The following DNAH10 variants were observed in gnomAD, a reference collection of about 807,000 sequenced individuals.
The protein encoded by DNAH10 is axonemal beta dynein heavy chain 10.
A neutral mutation model predicts 506.6 loss-of-function variants in DNAH10; 348 were observed. The ratio of observed to expected loss-of-function variants is 0.69; its 90% CI spans 0.63 to 0.75. The LOEUF (loss-of-function observed/expected upper bound fraction) is 0.75. Ranked by LOEUF, DNAH10 falls within the 30% of genes least tolerant of loss-of-function variation. The pLI is 0.00. For synonymous variants in DNAH10, 2,059 were observed against 2,198.6 expected, an observed-to-expected ratio of 0.94 and a Z score of 1.78; for missense variants, 5,179 against 5,787.1, an observed-to-expected ratio of 0.89 and a Z score of 3.41.
At chr12:123,807,074 T>C (rs925684741) in intron 18 of DNAH10, among the ~76,000 whole-genome samples, 1 of 152,158 alleles carries the variant, frequency 6.6e-6, no homozygotes, top group African/African-American at 2.4e-5. Flanking sequence ...GGCCCTGCTA[T>C]GTTTTCTTTT....
chr12:123,838,799 G>T, intron 29 of DNAH10, 110 bp downstream of exon 29: 1 of 1,018,778 alleles, frequency 9.8e-7, no homozygotes, highest in Non-Finnish European at 1.4e-6. Context: ...AGACTGAAAT[G>T]CTGCTGGAGT....
At chr12:123,783,326 A>G in intron 7 of DNAH10, 62 bp downstream of exon 7, 1 of 1,593,048 alleles carries the variant, frequency 6.3e-7, no homozygotes. Context: ...GCTGGGAAAG[A>G]GCCCGGAGTC....
At position 123,919,041 on chromosome 12, in the gene DNAH10, A is replaced by T; in HGVS notation, c.11506+92A>T. 1 of 1,383,570 alleles carries T rather than the reference A, an allele frequency of 7.2e-7. No individual in the cohort carries two copies. Among genetic ancestry groups the T allele is most frequent in the African/African-American group, 1.5e-5 (1 of 68,896 alleles). The allele number at this position is 1,383,570 out of a possible 1,614,324, so 85.7% of individuals were successfully genotyped here. A position where few individuals can be genotyped will look rare whatever the true frequency, so the allele number is the denominator to read the frequency against. ...ACGTGATCTGTGAAAATGGAAAGTT[A>T]CCAAATAGCATTTTTTCTTTTTTCT... On this transcript the variant is annotated intron_variant, in intron 65 of 78. Transcript: ENST00000673944. The surrounding 1 kb of genome is among the most constrained non-coding windows in gnomAD (Gnocchi z 4.9).
At chr12:123,763,809 C>T (rs986356689) in intron 1 of DNAH10, among the ~76,000 whole-genome samples, 11 of 151,434 alleles carry the variant, frequency 7.3e-5, no homozygotes, top group South Asian at 4.2e-4. Context: ...GTGATCCTCC[C>T]GCCTCGGCCT....
rs868263861 is a variant in DNAH10 at position 123,893,256 on chromosome 12, G to A, written c.9019G>A (p.Glu3007Lys). The A allele has an allele frequency of 6.2e-7, 1 of 1,614,014 alleles. No individual in the cohort carries two copies. Among genetic ancestry groups the A allele is most frequent in the South Asian group, 1.1e-5 (1 of 91,082 alleles). Residue 3007 changes from glutamate (E) to lysine (K), a missense_variant, in exon 53 of 79, where the codon GAA (glutamate) becomes AAA (lysine). Transcript: ENST00000673944. ...AGGAATTGTACCTGCGCTTTTTTCT[G>A]AAGAGGAGAAAGAGTCTATCCTGAG... is the stretch of plus-strand genomic sequence containing the variant. ...TSGIVPALFS[E>K]EEKESILSQI...
chr12:123,875,444 G>A lies in DNAH10; in HGVS notation c.8152G>A (p.Glu2718Lys). 1 of 1,613,996 alleles carries A rather than the reference G, an allele frequency of 6.2e-7. No homozygotes were observed. Among genetic ancestry groups the A allele is most frequent in the Non-Finnish European group, 8.5e-7 (1 of 1,179,906 alleles). ...CTTCAATGTGCCATTTCCTTCAGAGGAGTCTCTGCATTTAATTTATTCCTC... is the reference window on the plus strand; with the variant it reads ...CTTCAATGTGCCATTTCCTTCAGAGAAGTCTCTGCATTTAATTTATTCCTC... Reference protein sequence around the residue: ...SVFNVPFPSEESLHLIYSSIL... With the variant: ...SVFNVPFPSEKSLHLIYSSIL... The change falls in exon 47 of 79, where the codon GAG becomes AAG. Residue 2718 changes from glutamate to lysine, a missense_variant. Glu to Lys is a moderately conservative substitution (Grantham distance 56). Coordinates refer to ENST00000673944, the MANE Select transcript of DNAH10 (RefSeq NM_001372106.1).
Position 123,781,815 on chromosome 12 carries a change from A to G in DNAH10, c.841+516A>G, listed in dbSNP as rs150337235. On this transcript the variant is annotated intron_variant, in intron 6 of 78. Coordinates refer to ENST00000673944, the MANE Select transcript of DNAH10 (RefSeq NM_001372106.1). ...TTTCTTCATTGTTTTCTAGTAGTCA[A>G]CATCCAGTGATGAGAAACTGAATGT... Among the ~76,000 whole-genome samples, 542 of 152,246 alleles carry G rather than the reference A, an allele frequency of 3.6e-3. 3 individuals carry two copies. The highest frequency in any genetic ancestry group is 0.012 in the African/African-American group (518 of 41,536).
At chr12:123,804,712 G>C (rs1958596598) in intron 17 of DNAH10, 121 bp from the exon 18 acceptor site, 1 of 835,264 alleles carries the variant, frequency 1.2e-6, no homozygotes. Flanking sequence ...GTTCTGCTTT[G>C]GGCTGAGGTT....
chr12:123,803,725 G>T lies in DNAH10; in HGVS notation c.2679G>T (p.Gln893His), dbSNP rs1393923873. The T allele has an allele frequency of 1.9e-6, 3 of 1,611,594 alleles. No homozygotes were observed. The highest frequency in any genetic ancestry group is 2.5e-6 in the Non-Finnish European group (3 of 1,179,272). Residue 893 changes from glutamine (Q) to histidine (H), a missense_variant, in exon 17 of 79, where the codon CAG becomes CAT. Gln to His is a conservative substitution (Grantham distance 24). Transcript: ENST00000673944. ...GGAAATTTGAGTCTCTCGTCCACCA[G>T]ATTCATAAGAATGCAGATGACATTT... ...AIGKFESLVH[Q>H]IHKNADDISS...
chr12:123,776,653 AAAAT>A (rs968266098), intron 5 of DNAH10, among the ~76,000 whole-genome samples: 5 of 152,062 alleles, frequency 3.3e-5, no homozygotes, highest in Admixed American at 2.0e-4. Flanking sequence ...AAAAAAAAGA[AAAAT>A]AAATTAAGAT....
intron 52 of DNAH10, among the ~76,000 whole-genome samples, chr12:123,889,260 T>G (rs1245206258): frequency 1.3e-5 from 2 of 152,236 alleles, no homozygotes; most frequent in Non-Finnish European, 2.9e-5. Context: ...GAGTTCAAGT[T>G]TTGTTTAGTG....
chr12:123,919,875 G>A lies in DNAH10; in HGVS notation c.11506+926G>A, dbSNP rs1954651331. ...TCCACCCGTCACCTGATGGGCATTT[G>A]GGTTGTTTCGCTTGTTTTGCTATTA... On this transcript the variant is annotated intron_variant, in intron 65 of 78. Coordinates refer to ENST00000673944, the MANE Select transcript of DNAH10 (RefSeq NM_001372106.1). This position sits in a 1 kb window ranked among gnomAD's most constrained non-coding sequence, Gnocchi z 4.9. 6.6e-6 allele frequency among the ~76,000 whole-genome samples: 1 copy of A among 152,168 alleles called. No individual in the cohort carries two copies. The highest frequency in any genetic ancestry group is 2.4e-5 in the African/African-American group (1 of 41,432).
rs367906430 is a variant in DNAH10, at chr12:123,932,100, A to C, written c.13288A>C (p.Met4430Leu). 8 of 1,613,472 alleles carry C rather than the reference A, an allele frequency of 5.0e-6. No homozygotes were observed. Among genetic ancestry groups the C allele is most frequent in the East Asian group, 4.5e-5 (2 of 44,898 alleles). ...VYFLRRFSQYMLWVTESEPSV... is the reference protein window; with the variant it reads ...VYFLRRFSQYLLWVTESEPSV... ...CTTCCTGCGGCGGTTCAGCCAGTAC[A>C]TGTTGTGGGTAAGTGGCACGTCACC... is the stretch of plus-strand genomic sequence containing the variant. Residue 4430 changes from methionine (M) to leucine (L), a missense_variant, in exon 76 of 79, where the codon ATG becomes CTG. Met to Leu is a conservative substitution (Grantham distance 15). This residue lies in a region of DNAH10 where 4,844 missense variants were observed against 5,430.5 expected (regional missense o/e 0.89). Transcript: ENST00000673944.
chr12:123,837,054 T>C (rs1360222343), intron 28 of DNAH10, among the ~76,000 whole-genome samples: 3 of 150,736 alleles, frequency 2.0e-5, no homozygotes, highest in Non-Finnish European at 2.9e-5. Flanking sequence ...GGTTTCACCG[T>C]GTTAGCCAGG....
At position 123,898,820 on chromosome 12, in the gene DNAH10, T is replaced by C; in HGVS notation, c.9640+6T>C. On this transcript the variant is annotated splice_donor_region_variant and intron_variant, in intron 56 of 78. Coordinates refer to ENST00000673944, the MANE Select transcript of DNAH10 (RefSeq NM_001372106.1). ...CGCCGTCAACACCGCTGTAGGTGAG[T>C]GAGGGCGGGGCCAGGGCAGCCCATC... 1.2e-6 allele frequency: 2 copies of C among 1,601,528 alleles called. No homozygotes were observed.
chr12:123,908,648 A>G (rs1323255622), intron 57 of DNAH10: 2 of 441,312 alleles, frequency 4.5e-6, no homozygotes, highest in African/African-American at 4.0e-5. Context: ...CCAGAGGAAC[A>G]AGGGCAGTGG....
At chr12:123,835,915 T>C (rs985637291) in intron 28 of DNAH10, among the ~76,000 whole-genome samples, 1 of 152,228 alleles carries the variant, frequency 6.6e-6, no homozygotes, top group African/African-American at 2.4e-5. Flanking sequence ...GTGGGTCACC[T>C]TGCCTGGCCC....
At chr12:123,766,428 A>G (rs1181504978) in intron 1 of DNAH10, among the ~76,000 whole-genome samples, 1 of 152,202 alleles carries the variant, frequency 6.6e-6, no homozygotes, top group Non-Finnish European at 1.5e-5. Flanking sequence ...TACTATATAT[A>G]CATATTATTT....
chr12:123,808,713 T>G, intron 18 of DNAH10, 84 bp from the exon 19 acceptor site: 1 of 1,461,012 alleles, frequency 6.8e-7, no homozygotes, highest in Non-Finnish European at 9.4e-7. Flanking sequence ...GTGATTTTTG[T>G]GGCCCTGGTC....
Sources: gnomAD v4.1 joint callset for allele counts (sites outside exome capture counted in the v4.1 genomes callset) on GRCh38, gnomAD v4.1.1 for gene constraint, gnomAD v4.1.1 regional missense constraint, Gnocchi (gnomAD v3.1) non-coding constraint, MANE v1.5 for transcripts, NCBI Gene and HGNC (gene_info 2026-07-23, HGNC 2026-07-21) for gene names.